The following RAD21 variants were observed in gnomAD, a reference collection of about 807,000 sequenced individuals.
RAD21 encodes the protein double-strand-break repair protein rad21 homolog.
RAD21 carries 18 observed loss-of-function variants against 71.5 expected under a neutral mutation model. The ratio of observed to expected loss-of-function variants is 0.25; its 90% CI spans 0.17 to 0.37. The LOEUF is 0.37. Among genes scored for constraint, RAD21 ranks in the 10% least tolerant of loss-of-function variants. The pLI, the probability that RAD21 is intolerant of heterozygous loss-of-function variation, is 1.00. For synonymous variants in RAD21, 248 were observed against 254.0 expected (o/e 0.98, Z 0.22); for missense variants, 493 against 769.1 (o/e 0.64, Z 4.25).
intron 8 of RAD21, 31 bp from the exon 9 acceptor site, chr8:116,854,499 T>C (rs893432919): frequency 6.5e-7 from 1 of 1,538,978 alleles, no homozygotes; most frequent in South Asian, 1.1e-5. Flanking sequence ...AAGATCATTT[T>C]CCTGAGAGGC....
chr8:116,852,888 A>G (rs929667734), intron 9 of RAD21, among the ~76,000 whole-genome samples, 180 bp from the exon 10 acceptor site: 1 of 152,182 alleles, frequency 6.6e-6, no homozygotes. Flanking sequence ...TTTTCAAATT[A>G]TAACTGCAGA....
intron 4 of RAD21, among the ~76,000 whole-genome samples, chr8:116,859,695 CT>C (rs910279438): frequency 3.9e-5 from 6 of 152,106 alleles, no homozygotes; most frequent in Admixed American, 6.6e-5. Context: ...TTGGGCCTCC[CT>C]GTTCCTTGAG....
At chr8:116,850,369 A>G (rs1198793948) in intron 12 of RAD21, among the ~76,000 whole-genome samples, 2 of 152,228 alleles carry the variant, frequency 1.3e-5, no homozygotes, top group Non-Finnish European at 2.9e-5. Flanking sequence ...GCCAAGCAAG[A>G]AATCAGTGTA....
rs1172522972 is a variant in RAD21 at position 116,846,309 on chromosome 8, A to G, written c.*1191T>C. The G allele has an allele frequency of 4.3e-6, 1 of 231,396 alleles. No individual in the cohort carries two copies. Among genetic ancestry groups the G allele is most frequent in the East Asian group, 6.2e-5 (1 of 16,104 alleles). The allele number at this position is 231,396 out of a possible 1,614,324, so 14.3% of individuals were successfully genotyped here. ...TCAAAAGTGATTTTTTTTTCCCACA[A>G]AAGTTTCAACACTTAAGCTAGAACT... On this transcript the variant is annotated 3_prime_UTR_variant, in exon 14 of 14. Coordinates refer to ENST00000297338, the MANE Select transcript of RAD21 (RefSeq NM_006265.3).
chr8:116,866,731 G>C lies in RAD21; in HGVS notation c.-2C>G. On this transcript the variant is annotated 5_prime_UTR_variant, in exon 2 of 14. Transcript: ENST00000297338. ...GAGAACAAAATGTGCGTAGAACATT[G>C]TTCTGGCTGGCTATGAAAACAGAAG... 6.3e-7 allele frequency: 1 copy of C among 1,598,514 alleles called. No individual in the cohort carries two copies. The highest frequency in any genetic ancestry group is 8.5e-7 in the Non-Finnish European group (1 of 1,173,460).
At chr8:116,850,492 T>C in intron 12 of RAD21, 126 bp downstream of exon 12, 1 of 1,418,458 alleles carries the variant, frequency 7.0e-7, no homozygotes, top group South Asian at 1.4e-5. Flanking sequence ...GGTAAAATTT[T>C]GCTTATATTC....
intron 3 of RAD21, among the ~76,000 whole-genome samples, chr8:116,862,795 T>TA (rs1812616819): frequency 6.6e-6 from 1 of 152,132 alleles, no homozygotes; most frequent in Non-Finnish European, 1.5e-5. Context: ...AGCTATATTT[T>TA]AAAAAATCAT....
At position 116,861,315 on chromosome 8, in the gene RAD21, A is replaced by G. The variant is rs766859038; in HGVS notation, c.374+526T>C. On this transcript the variant is annotated intron_variant, in intron 4 of 13. Coordinates refer to ENST00000297338, the MANE Select transcript of RAD21 (RefSeq NM_006265.3). ...CGTAAGGGCTTGAGAAAAGGGAAAC[A>G]TAACTACAGTACTCTGCTATAACAG... Among the ~76,000 whole-genome samples the G allele has an allele frequency of 5.3e-5, 8 of 151,868 alleles. No homozygotes were observed. The East Asian group carries it at 5.8e-4, about 11-fold the overall frequency.
chr8:116,871,702 A>T (rs16889124), intron 1 of RAD21, among the ~76,000 whole-genome samples: 14 of 152,346 alleles, frequency 9.2e-5, no homozygotes, highest in African/African-American at 3.1e-4. Flanking sequence ...AAACCAAAAA[A>T]CCAAACACGA....
chr8:116,854,177 GT>G, intron 9 of RAD21, 67 bp downstream of exon 9: 1 of 1,282,578 alleles, frequency 7.8e-7, no homozygotes, highest in Non-Finnish European at 1.1e-6. Flanking sequence ...TGATTCAAAG[GT>G]TTTAGAATCT....
At chr8:116,853,730 G>C (rs958740321) in intron 9 of RAD21, among the ~76,000 whole-genome samples, 2 of 152,118 alleles carry the variant, frequency 1.3e-5, no homozygotes, top group African/African-American at 4.8e-5. Flanking sequence ...ACTTCAGACA[G>C]AATAGTAGCC....
At chr8:116,855,229 C>T (rs758457624) in intron 8 of RAD21, among the ~76,000 whole-genome samples, 6 of 152,096 alleles carry the variant, frequency 3.9e-5, no homozygotes, top group Non-Finnish European at 8.8e-5. Context: ...GCCCATTTCC[C>T]TCATCAATGG....
chr8:116,848,066 TGCTTC>T (rs1456291462), intron 13 of RAD21, among the ~76,000 whole-genome samples: 2 of 152,236 alleles, frequency 1.3e-5, no homozygotes, highest in Admixed American at 6.5e-5. Context: ...GCTGGTGCTT[TGCTTC>T]TTGTATAGTC....
chr8:116,852,088 T>C lies in RAD21; in HGVS notation c.1330A>G (p.Ile444Val). The C allele has an allele frequency of 6.2e-7, 1 of 1,603,616 alleles. No individual in the cohort carries two copies. The highest frequency in any genetic ancestry group is 8.5e-7 in the Non-Finnish European group (1 of 1,171,370). The change falls in exon 11 of 14, where the codon ATT becomes GTT. Residue 444 changes from isoleucine to valine, a missense_variant. This residue lies in a region of RAD21 where 225 missense variants were observed against 218.3 expected (regional missense o/e 1.03). Coordinates refer to ENST00000297338, the MANE Select transcript of RAD21 (RefSeq NM_006265.3). ...TGGAGGCGGCTTGGCTCTTCAATAA[T>C]GGGCTCATCTGCAATTGGTCATATG... ...HQQRDVIDEP[I>V]IEEPSRLQES...
At chr8:116,866,911 G>A in intron 1 of RAD21, 150 bp from the exon 2 acceptor site, 3 of 465,168 alleles carry the variant, frequency 6.4e-6, no homozygotes, top group Non-Finnish European at 7.0e-6. Context: ...AAAAACAACA[G>A]ATTTAAAACA....
chr8:116,864,403 C>T (rs985686868), intron 2 of RAD21, among the ~76,000 whole-genome samples: 1 of 152,012 alleles, frequency 6.6e-6, no homozygotes, highest in Non-Finnish European at 1.5e-5. Context: ...GTATTTTCTA[C>T]AGCACTCTAG....
chr8:116,870,525 A>G (rs1293771689), intron 1 of RAD21, among the ~76,000 whole-genome samples: 6 of 152,208 alleles, frequency 3.9e-5, no homozygotes. Flanking sequence ...ACCGGAAGAG[A>G]GCCTCCTATG....
chr8:116,857,569 T>C (rs976064712), intron 5 of RAD21, 96 bp from the exon 6 acceptor site: 1 of 1,026,486 alleles, frequency 9.7e-7, no homozygotes, highest in African/African-American at 1.6e-5. Context: ...TATGTCACAT[T>C]TGCTTACTGA....
intron 12 of RAD21, among the ~76,000 whole-genome samples, chr8:116,850,081 AG>A (rs1812317344): frequency 6.6e-6 from 1 of 152,214 alleles, no homozygotes. Context: ...AACATGCCCC[AG>A]GAAAAAGAAA....
Sources: allele counts gnomAD v4.1 joint callset (sites outside exome capture counted in the v4.1 genomes callset), GRCh38; gene constraint gnomAD v4.1.1; regional missense constraint gnomAD v4.1.1; transcripts MANE v1.5; gene names NCBI Gene and HGNC (gene_info 2026-07-23, HGNC 2026-07-21).